PDE4D: variants seen among roughly 807,000 people sequenced by gnomAD.
PDE4D encodes the protein 3',5'-cyclic-AMP phosphodiesterase 4D.
Under a neutral mutation model 87.4 loss-of-function variants are expected in PDE4D, and 24 were observed. The observed-to-expected ratio is 0.27, with a 90% CI of 0.20 to 0.39. PDE4D has a LOEUF of 0.39. PDE4D is among the 10% of genes least tolerant of loss of function. PDE4D has a pLI of 1.00. For missense variants in PDE4D, 714 were observed against 1,041.0 expected (o/e 0.69, Z 4.32); for synonymous variants, 384 against 383.2 (o/e 1.00, Z -0.02).
chr5:59,799,352 G>T (rs963609340), intron 1 of PDE4D, among the ~76,000 whole-genome samples: 4 of 152,188 alleles, frequency 2.6e-5, no homozygotes, highest in African/African-American at 9.7e-5. Flanking sequence ...ATTGAAGAAA[G>T]TGAAACAAAC....
At chr5:60,057,842 A>T (rs1770946841) in intron 2 of PDE4D, among the ~76,000 whole-genome samples, 2 of 152,068 alleles carry the variant, frequency 1.3e-5, no homozygotes, top group Admixed American at 1.3e-4. Context: ...GATTAACAAC[A>T]TAGCATTACA....
intron 3 of PDE4D, among the ~76,000 whole-genome samples, chr5:59,898,800 C>T (rs1279473102): frequency 6.6e-6 from 1 of 152,114 alleles, no homozygotes; most frequent in Non-Finnish European, 1.5e-5. Flanking sequence ...AATGTAGTGA[C>T]TTTGTATACA....
intron 2 of PDE4D, among the ~76,000 whole-genome samples, chr5:59,997,635 C>T (rs1450213429): frequency 1.3e-5 from 2 of 152,092 alleles, no homozygotes; most frequent in African/African-American, 2.4e-5. Context: ...AGAAATGTTG[C>T]TTTGCTTTTG....
At chr5:59,897,053 T>C (rs1382308938), upstream of PDE4D, among the ~76,000 whole-genome samples, 9 of 152,152 alleles carry the variant, frequency 5.9e-5, no homozygotes, top group Admixed American at 5.2e-4. Flanking sequence ...AAGCATTGGG[T>C]TAATGTGGGA....
At chr5:59,692,204 A>C (rs1213073943) in intron 1 of PDE4D, among the ~76,000 whole-genome samples, 1 of 152,160 alleles carries the variant, frequency 6.6e-6, no homozygotes, top group African/African-American at 2.4e-5. Flanking sequence ...AGACATAGGA[A>C]GACTTGAGAA....
intron 1 of PDE4D, among the ~76,000 whole-genome samples, chr5:59,320,188 G>T (rs892824229): frequency 1.3e-5 from 2 of 152,078 alleles, no homozygotes; most frequent in African/African-American, 4.8e-5. Context: ...GCATGTGCGT[G>T]TGCAGGTGTG....
intron 6 of PDE4D, among the ~76,000 whole-genome samples, chr5:59,027,939 T>C (rs886962316): frequency 6.6e-6 from 1 of 151,876 alleles, no homozygotes; most frequent in Non-Finnish European, 1.5e-5. Context: ...GTATACTAGA[T>C]GGTAAGATGT....
At chr5:59,083,645 T>A (rs959170322) in intron 5 of PDE4D, among the ~76,000 whole-genome samples, 3 of 152,078 alleles carry the variant, frequency 2.0e-5, no homozygotes, top group African/African-American at 7.2e-5. Context: ...AATGGTTATA[T>A]TCTCCCCCTG....
At chr5:59,238,093 T>C (rs564729525) in intron 1 of PDE4D, among the ~76,000 whole-genome samples, 9 of 152,288 alleles carry the variant, frequency 5.9e-5, no homozygotes. Context: ...CCTGATTCTC[T>C]GCCTTTGTAG....
At chr5:59,291,145 G>A (rs550838237) in intron 1 of PDE4D, among the ~76,000 whole-genome samples, 1 of 152,022 alleles carries the variant, frequency 6.6e-6, no homozygotes, top group African/African-American at 2.4e-5. Flanking sequence ...GTTTATTGCA[G>A]CACTATTAAC....
intron 3 of PDE4D, among the ~76,000 whole-genome samples, chr5:59,959,766 C>T (rs1759262471): frequency 1.3e-5 from 2 of 152,098 alleles, no homozygotes; most frequent in African/African-American, 4.8e-5. Context: ...AGAAAATACT[C>T]TTCTGGACAC....
At chr5:59,257,684 T>A (rs1207675665) in intron 1 of PDE4D, among the ~76,000 whole-genome samples, 4 of 152,034 alleles carry the variant, frequency 2.6e-5, no homozygotes, top group Non-Finnish European at 5.9e-5. Flanking sequence ...GCCTGGTGTG[T>A]CACTTGCTAC....
intron 1 of PDE4D, among the ~76,000 whole-genome samples, chr5:60,443,586 A>G (rs903561035): frequency 2.6e-5 from 4 of 152,180 alleles, no homozygotes; most frequent in Admixed American, 1.3e-4. Context: ...ACATTCTCAA[A>G]AAAACAAGGT....
chr5:60,018,349 T>C (rs896292028), intron 2 of PDE4D, among the ~76,000 whole-genome samples: 2 of 152,138 alleles, frequency 1.3e-5, no homozygotes, highest in Non-Finnish European at 2.9e-5. Flanking sequence ...GGAAGCACTA[T>C]GTAAAGGAGA....
chr5:59,873,058 T>C (rs923056416), intron 1 of PDE4D, among the ~76,000 whole-genome samples: 11 of 152,248 alleles, frequency 7.2e-5, no homozygotes, highest in Non-Finnish European at 1.6e-4. Context: ...TGAAACGCTA[T>C]ACTTTTCCCC....
intron 3 of PDE4D, among the ~76,000 whole-genome samples, chr5:59,910,965 T>C (rs1247536172): frequency 2.0e-5 from 3 of 152,240 alleles, no homozygotes; most frequent in Non-Finnish European, 4.4e-5. Flanking sequence ...GAAAAAATTA[T>C]GACAGAGAAA....
chr5:59,879,000 G>T (rs190723649), intron 1 of PDE4D, among the ~76,000 whole-genome samples: 1 of 138,126 alleles, frequency 7.2e-6, no homozygotes, highest in African/African-American at 2.7e-5. Context: ...CTGGGTTCAC[G>T]CCATTCTCCT....
chr5:60,336,671 GT>G (rs937169582), intron 1 of PDE4D, among the ~76,000 whole-genome samples: 16 of 152,126 alleles, frequency 1.1e-4, no homozygotes, highest in African/African-American at 3.6e-4. Flanking sequence ...CTCTTTTTAG[GT>G]TGTCACAAAG....
intron 1 of PDE4D, among the ~76,000 whole-genome samples, chr5:59,692,253 G>A (rs1419296088): frequency 6.6e-6 from 1 of 152,102 alleles, no homozygotes; most frequent in Admixed American, 6.6e-5. Flanking sequence ...AGAGCTCTTG[G>A]TCTTCTTGGG....
Sources: allele counts gnomAD v4.1 joint callset (sites outside exome capture counted in the v4.1 genomes callset), GRCh38; gene constraint gnomAD v4.1.1; transcripts MANE v1.5; gene names NCBI Gene and HGNC (gene_info 2026-07-23, HGNC 2026-07-21).